The following WDFY1 variants were observed in gnomAD, a reference collection of about 807,000 sequenced individuals.
WDFY1 encodes the protein WD repeat and FYVE domain-containing protein 1.
Under a neutral mutation model 56.4 loss-of-function variants are expected in WDFY1, and 32 were observed. The ratio of observed to expected loss-of-function variants is 0.57; its 90% CI spans 0.43 to 0.76. The LOEUF (loss-of-function observed/expected upper bound fraction) is 0.76. Among genes scored for constraint, WDFY1 ranks in the 30% least tolerant of loss-of-function variants. The pLI, the probability that WDFY1 is intolerant of heterozygous loss-of-function variation, is 0.00. For missense variants in WDFY1, 480 were observed against 545.7 expected (o/e 0.88, Z 1.20); for synonymous variants, 192 against 197.3 (o/e 0.97, Z 0.23).
chr2:223,934,598 G>GC (rs1694137820), intron 1 of WDFY1, among the ~76,000 whole-genome samples: 1 of 152,092 alleles, frequency 6.6e-6, no homozygotes, highest in South Asian at 2.1e-4. Context: ...TCAGCCCAGT[G>GC]CAACCTCCAC....
At chr2:223,898,645 GT>G (rs1211886858) in intron 6 of WDFY1, among the ~76,000 whole-genome samples, 1 of 152,014 alleles carries the variant, frequency 6.6e-6, no homozygotes, top group Non-Finnish European at 1.5e-5. Flanking sequence ...GCCTCAAGTG[GT>G]ACACCTAATT....
intron 1 of WDFY1, among the ~76,000 whole-genome samples, chr2:223,940,950 G>A (rs558856664): frequency 9.9e-5 from 15 of 152,200 alleles, no homozygotes; most frequent in Non-Finnish European, 2.1e-4. Flanking sequence ...AGCCTCCCAA[G>A]TAGCTGGGAT....
intron 8 of WDFY1, among the ~76,000 whole-genome samples, chr2:223,885,090 T>G (rs1693150471): frequency 1.2e-4 from 18 of 152,094 alleles, no homozygotes; most frequent in Admixed American, 1.2e-3. Flanking sequence ...AGTGCTGGGA[T>G]TATAAGCATG....
At chr2:223,888,259 A>T (rs1202951672) in intron 8 of WDFY1, among the ~76,000 whole-genome samples, 1 of 151,732 alleles carries the variant, frequency 6.6e-6, no homozygotes, top group Non-Finnish European at 1.5e-5. Context: ...TTTTTTGTAC[A>T]AAGAGGGTTT....
At chr2:223,898,451 G>T (rs1183393912) in intron 6 of WDFY1, among the ~76,000 whole-genome samples, 1 of 152,092 alleles carries the variant, frequency 6.6e-6, no homozygotes, top group African/African-American at 2.4e-5. Flanking sequence ...CCAGGCAGGA[G>T]TGTAGTGCTG....
intron 1 of WDFY1, among the ~76,000 whole-genome samples, chr2:223,936,058 CT>C (rs375847263): frequency 2.6e-4 from 27 of 105,658 alleles, no homozygotes; most frequent in South Asian, 1.0e-3. Context: ...TCCCAAAGTC[CT>C]TTTTTTTTTT....
At position 223,878,017 on chromosome 2, in the gene WDFY1, A is replaced by T. The variant is rs1194161808; in HGVS notation, c.*654T>A. The T allele has an allele frequency of 6.6e-6, 1 of 152,658 alleles. No individual in the cohort carries two copies. Among genetic ancestry groups the T allele is most frequent in the Admixed American group, 6.5e-5 (1 of 15,276 alleles). 9.5% of individuals were successfully genotyped at this position (152,658 alleles called of 1,614,324 possible). On this transcript the variant is annotated 3_prime_UTR_variant, in exon 12 of 12. Transcript: ENST00000233055. ...GAAATTTCACAACTTACTTAATGAC[A>T]ACCCCGAAAGTTCACCTGTGGCATA...
chr2:223,933,790 C>CA (rs1553538321), intron 1 of WDFY1, among the ~76,000 whole-genome samples: 3 of 97,438 alleles, frequency 3.1e-5, no homozygotes, highest in Non-Finnish European at 4.7e-5. Context: ...GACCCCCCCC[C>CA]ATCTCTACAA....
intron 1 of WDFY1, among the ~76,000 whole-genome samples, chr2:223,940,512 A>G (rs1189383421): frequency 1.3e-5 from 2 of 152,234 alleles, no homozygotes; most frequent in Non-Finnish European, 2.9e-5. Flanking sequence ...GTACTCGTAG[A>G]GAAAAGGGAC....
chr2:223,924,696 C>A lies in WDFY1; in HGVS notation c.138-6686G>T, dbSNP rs760325812. On this transcript the variant is annotated intron_variant, in intron 1 of 11. Transcript: ENST00000233055. ...TTTATTTGTTTATCATTGTTCAGCA[C>A]TGTAGATGATTCATTTATTTTCCAA... 2.6e-5 allele frequency among the ~76,000 whole-genome samples: 4 copies of A among 152,266 alleles called. 1 individual carries two copies. In the South Asian group the frequency reaches 8.3e-4, roughly 32 times the overall value.
At chr2:223,927,525 C>T (rs1342980309) in intron 1 of WDFY1, among the ~76,000 whole-genome samples, 1 of 152,148 alleles carries the variant, frequency 6.6e-6, no homozygotes, top group Non-Finnish European at 1.5e-5. Context: ...TTCATAAAAT[C>T]GAAGAGGATT....
intron 1 of WDFY1, among the ~76,000 whole-genome samples, chr2:223,924,039 C>A (rs1342059366): frequency 6.6e-6 from 1 of 152,166 alleles, no homozygotes; most frequent in African/African-American, 2.4e-5. Context: ...GAAAAGAAAT[C>A]TTTCCTTAAA....
Position 223,905,993 on chromosome 2 carries a change from G to A in WDFY1, c.288C>T (p.His96=), listed in dbSNP as rs139858004. The A allele has an allele frequency of 1.7e-3, 2,608 of 1,572,638 alleles. 2 individuals carry two copies. Among genetic ancestry groups the A allele is most frequent in the Non-Finnish European group, 2.0e-3 (2,368 of 1,162,072 alleles). ...GQDNGAVMEF[H]VSEDFNKMNF... ...TCATTTTATTAAAATCTTCAGAAACGTGAAATTCCTAAAAGCAAATGCACA... is the reference window on the plus strand; with the variant it reads ...TCATTTTATTAAAATCTTCAGAAACATGAAATTCCTAAAAGCAAATGCACA... Residue 96 remains histidine, a synonymous_variant, in exon 4 of 12, where the codon CAC becomes CAT. Transcript: ENST00000233055.
chr2:223,891,687 A>G (rs377336922), intron 8 of WDFY1, among the ~76,000 whole-genome samples: 1 of 152,122 alleles, frequency 6.6e-6, no homozygotes, highest in East Asian at 1.9e-4. Context: ...TACTTTTTCT[A>G]AAAGAATTTA....
At chr2:223,943,533 C>T (rs951796461) in intron 1 of WDFY1, among the ~76,000 whole-genome samples, 6 of 152,284 alleles carry the variant, frequency 3.9e-5, no homozygotes, top group Middle Eastern at 3.4e-3. Flanking sequence ...GGCTAGAGAC[C>T]ACGCCTTCAG....
chr2:223,880,326 G>T lies in WDFY1; in HGVS notation c.1065-94C>A, dbSNP rs990349512. On this transcript the variant is annotated intron_variant, in intron 10 of 11. Coordinates refer to ENST00000233055, the MANE Select transcript of WDFY1 (RefSeq NM_020830.5). The stretch of plus-strand genomic sequence containing the variant: ...TAGCAACATAAAATAAGCAAATATG[G>T]CCAGGTGCAGTGGCTCATGTCTGTA... The T allele has an allele frequency of 3.6e-6, 4 of 1,100,930 alleles. No homozygotes were observed. In the Admixed American group the frequency reaches 5.5e-5, roughly 15 times the overall value. 68.2% of individuals were successfully genotyped at this position (1,100,930 alleles called of 1,614,324 possible).
rs1035003508 is a variant in WDFY1, at chr2:223,881,961, C to T, written c.1045G>A (p.Asp349Asn). The change falls in exon 10 of 12, where the codon GAC becomes AAC. Residue 349 changes from aspartate (D) to asparagine (N), a missense_variant. Coordinates refer to ENST00000233055, the MANE Select transcript of WDFY1 (RefSeq NM_020830.5). ...FQVRVCDSCY[D>N]SIKDEDRTSL... ...ACTCACTCTTCATCTTTGATGGAGT[C>T]GTAACAAGAATCACAAACCCGGACT... The T allele has an allele frequency of 3.1e-6, 5 of 1,613,712 alleles. No homozygotes were observed. The highest frequency in any genetic ancestry group is 2.5e-6 in the Non-Finnish European group (3 of 1,179,732).
In WDFY1 at chr2:223,897,377, TATATATATATA is replaced by T. The variant is rs1693405372; in HGVS notation, c.598+1570_598+1580del. 2.1e-4 allele frequency among the ~76,000 whole-genome samples: 4 copies of T among 18,746 alleles called. 1 individual carries two copies. The highest frequency in any genetic ancestry group is 4.8e-4 in the African/African-American group (4 of 8,308). 12.3% of individuals were successfully genotyped at this position (18,746 alleles called of 152,430 possible). A position where few individuals can be genotyped will look rare whatever the true frequency, so the allele number is the denominator to read the frequency against. On this transcript the variant is annotated intron_variant, in intron 6 of 11. Transcript: ENST00000233055. ...ATATATATATATATATATATATATATATATATATATATATTTTTTAAGACGGAGTCTCTCTC... is the reference window on the plus strand; with the variant it reads ...ATATATATATATATATATATATATATTATTTTTTAAGACGGAGTCTCTCTC...
chr2:223,936,450 TAGG>T (rs2106103941), intron 1 of WDFY1, among the ~76,000 whole-genome samples: 1 of 152,212 alleles, frequency 6.6e-6, no homozygotes, highest in African/African-American at 2.4e-5. Flanking sequence ...TAGTTAAAGA[TAGG>T]AGATTAGTGG....
Sources: allele counts gnomAD v4.1 joint callset (sites outside exome capture counted in the v4.1 genomes callset), GRCh38; gene constraint gnomAD v4.1.1; transcripts MANE v1.5; gene names NCBI Gene and HGNC (gene_info 2026-07-23, HGNC 2026-07-21).